PCDHA3: variants seen among roughly 807,000 people sequenced by gnomAD.
The protein encoded by PCDHA3 is protocadherin alpha-3.
PCDHA3 carries 41 observed loss-of-function variants against 62.2 expected under a neutral mutation model. The observed-to-expected ratio is 0.66, with a 90% CI of 0.51 to 0.86. The LOEUF (loss-of-function observed/expected upper bound fraction) is 0.86. Ranked by LOEUF, PCDHA3 falls within the 40% of genes least tolerant of loss-of-function variation. PCDHA3 has a pLI of 0.00. For missense variants in PCDHA3, 1,304 were observed against 1,241.2 expected (o/e 1.05, Z -0.76); for synonymous variants, 640 against 555.4 (o/e 1.15, Z -2.14).
chr5:140,920,692 A>G (rs552577858), intron 1 of PCDHA3, among the ~76,000 whole-genome samples: 2 of 152,232 alleles, frequency 1.3e-5, no homozygotes, highest in Non-Finnish European at 2.9e-5. Flanking sequence ...AAAAATACAA[A>G]CATTAGCTTG....
At chr5:140,948,957 C>G (rs1338643900) in intron 1 of PCDHA3, among the ~76,000 whole-genome samples, 2 of 151,542 alleles carry the variant, frequency 1.3e-5, no homozygotes, top group Admixed American at 1.3e-4. Context: ...AAATTAAAGC[C>G]ACGAATTTAT....
At chr5:140,828,396 G>A in intron 1 of PCDHA3, 1 of 1,614,278 alleles carries the variant, frequency 6.2e-7, no homozygotes, top group Non-Finnish European at 8.5e-7. Flanking sequence ...AGCGCGGAGT[G>A]CAGCATCCAC....
rs1238131938 is a variant in PCDHA3, at chr5:141,010,564, G to A, written c.*627G>A. Reference sequence around the variant, plus strand: ...GAGACAAAACTACCCCCACTGACAAGGCTTTAGGAGACCCTAAAGTCTGTT... The same window carrying A: ...GAGACAAAACTACCCCCACTGACAAAGCTTTAGGAGACCCTAAAGTCTGTT... On this transcript the variant is annotated 3_prime_UTR_variant, in exon 4 of 4. Coordinates refer to ENST00000522353, the MANE Select transcript of PCDHA3 (RefSeq NM_018906.3). 1 of 289,402 alleles carries A rather than the reference G, an allele frequency of 3.5e-6. No homozygotes were observed. Among genetic ancestry groups the A allele is most frequent in the Non-Finnish European group, 6.5e-6 (1 of 154,048 alleles). 17.9% of individuals were successfully genotyped at this position (289,402 alleles called of 1,614,324 possible).
chr5:140,969,880 A>G (rs1365035569), intron 1 of PCDHA3, among the ~76,000 whole-genome samples: 2 of 152,238 alleles, frequency 1.3e-5, no homozygotes, highest in Non-Finnish European at 2.9e-5. Flanking sequence ...CCTATGTGAT[A>G]GGATCCTCTG....
intron 1 of PCDHA3, chr5:140,809,149 C>T (rs782812274): frequency 2.5e-6 from 4 of 1,613,942 alleles, no homozygotes; most frequent in Non-Finnish European, 3.4e-6. Flanking sequence ...TGAAGGACCA[C>T]GGCGAGCCCG....
intron 3 of PCDHA3, among the ~76,000 whole-genome samples, chr5:140,992,017 CTGTG>C (rs10602499): frequency 0.28 from 40,265 of 145,404 alleles, 5,754 homozygotes; most frequent in East Asian, 0.38. Flanking sequence ...AGAGGTGGCT[CTGTG>C]TGTGTGTGTG....
intron 1 of PCDHA3, chr5:140,857,488 C>A (rs782255025): frequency 6.3e-7 from 1 of 1,598,442 alleles, no homozygotes; most frequent in South Asian, 1.1e-5. Context: ...CTGCGTGGGA[C>A]GCGGACGCGC....
intron 1 of PCDHA3, chr5:140,822,708 C>G (rs2150118735): frequency 6.2e-7 from 1 of 1,610,702 alleles, no homozygotes; most frequent in South Asian, 1.1e-5. Context: ...ATTATGAAGA[C>G]TATAACTCAT....
Position 140,848,772 on chromosome 5 carries a change from G to C in PCDHA3, c.2394+45181G>C, listed in dbSNP as rs2150420106. 4 of 1,593,480 alleles carry C rather than the reference G, an allele frequency of 2.5e-6. No individual in the cohort carries two copies. In the African/African-American group the frequency reaches 5.4e-5, roughly 21 times the overall value. ...GTTTGTGAATTCTCGGATCGACCGC[G>C]AGGAGCTGTGCGGGCGGAGCGCGGA... On this transcript the variant is annotated intron_variant, in intron 1 of 3. Coordinates refer to ENST00000522353, the MANE Select transcript of PCDHA3 (RefSeq NM_018906.3).
chr5:141,001,278 C>T (rs182360019), intron 3 of PCDHA3, among the ~76,000 whole-genome samples: 500 of 152,168 alleles, frequency 3.3e-3, no homozygotes, highest in Admixed American at 5.6e-3. Context: ...ACTTTTTTTA[C>T]GGATGAAAAC....
intron 1 of PCDHA3, chr5:140,841,867 G>A (rs2150324495): frequency 2.5e-6 from 4 of 1,613,836 alleles, no homozygotes; most frequent in Non-Finnish European, 3.4e-6. Flanking sequence ...TGCTAGATGT[G>A]AATTCAAAGA....
At chr5:140,966,974 C>T (rs782333304) in intron 1 of PCDHA3, 4 of 1,602,874 alleles carry the variant, frequency 2.5e-6, no homozygotes, top group Non-Finnish European at 3.4e-6. Flanking sequence ...GCTTGAGCTG[C>T]GGCGCTTGGG....
chr5:140,953,002 T>C (rs1019745922), intron 1 of PCDHA3, among the ~76,000 whole-genome samples: 5 of 152,142 alleles, frequency 3.3e-5, no homozygotes, highest in African/African-American at 1.2e-4. Flanking sequence ...ACTCTCTCAC[T>C]ATTATGAGAA....
chr5:140,914,957 T>C (rs1355119889), intron 1 of PCDHA3, among the ~76,000 whole-genome samples: 1 of 150,770 alleles, frequency 6.6e-6, no homozygotes, highest in Non-Finnish European at 1.5e-5. Flanking sequence ...TTTTTTTTTT[T>C]TTTTTCTGAG....
At position 140,801,221 on chromosome 5, in the gene PCDHA3, TC is replaced by T. The variant is rs1762659295; in HGVS notation, c.26del (p.Pro9LeufsTer69). On this transcript the variant is annotated frameshift_variant, in exon 1 of 4. Transcript: ENST00000522353. LOFTEE classifies it high-confidence loss of function. MLFSWRED[P>X]GAQCLLLSLL... ...CAATGTTGTTCTCCTGGCGAGAAGATCCTGGAGCCCAGTGCCTGCTGCTTTC... is the reference window on the plus strand; with the variant it reads ...CAATGTTGTTCTCCTGGCGAGAAGATCTGGAGCCCAGTGCCTGCTGCTTTC... The T allele has an allele frequency of 3.1e-6, 5 of 1,610,278 alleles. No homozygotes were observed. In the South Asian group the frequency reaches 4.4e-5, roughly 14 times the overall value.
intron 1 of PCDHA3, chr5:140,865,906 T>A (rs2153227023): frequency 6.6e-6 from 1 of 152,286 alleles, no homozygotes; most frequent in Non-Finnish European, 1.5e-5. Flanking sequence ...CAGGCAAATC[T>A]TTCTTTCTGT....
chr5:140,817,998 G>A (rs1396162096), intron 1 of PCDHA3, among the ~76,000 whole-genome samples: 2 of 152,038 alleles, frequency 1.3e-5, no homozygotes, highest in African/African-American at 2.4e-5. Context: ...TACTTACTCT[G>A]TTTTTCACTT....
chr5:140,999,537 C>G, intron 3 of PCDHA3, among the ~76,000 whole-genome samples: 1 of 152,266 alleles, frequency 6.6e-6, no homozygotes, highest in Non-Finnish European at 1.5e-5. Context: ...CTGGATATGA[C>G]AGCCAATGAA....
chr5:140,830,339 T>C, intron 1 of PCDHA3: 1 of 1,613,958 alleles, frequency 6.2e-7, no homozygotes, highest in Non-Finnish European at 8.5e-7. Flanking sequence ...GAGCTGGTCG[T>C]ACTCGCAGCA....
Sources: allele counts gnomAD v4.1 joint callset (sites outside exome capture counted in the v4.1 genomes callset), GRCh38; gene constraint gnomAD v4.1.1; transcripts MANE v1.5; gene names NCBI Gene and HGNC (gene_info 2026-07-23, HGNC 2026-07-21).